The following FBLN5 variants were observed in gnomAD, a reference collection of about 807,000 sequenced individuals.
FBLN5 encodes fibulin 5, also known as fibulin-5.
Under a neutral mutation model 61.6 loss-of-function variants are expected in FBLN5, and 24 were observed. The ratio of observed to expected loss-of-function variants is 0.39; its 90% CI spans 0.28 to 0.55. The LOEUF (loss-of-function observed/expected upper bound fraction) is 0.55, where lower values mean the gene tolerates loss of function less well. FBLN5 is among the 20% of genes least tolerant of loss of function. The pLI is 0.65. For missense variants in FBLN5, 470 were observed against 594.1 expected (o/e 0.79, Z 2.17); for synonymous variants, 213 against 219.8 (o/e 0.97, Z 0.27).
intron 4 of FBLN5, among the ~76,000 whole-genome samples, chr14:91,935,273 G>A (rs535362746): frequency 1.1e-4 from 17 of 152,330 alleles, no homozygotes; most frequent in South Asian, 8.3e-4. Flanking sequence ...GGGGAAGGAG[G>A]GAGACACTTT....
intron 4 of FBLN5, among the ~76,000 whole-genome samples, chr14:91,923,619 AT>A (rs1455835239): frequency 6.6e-6 from 1 of 152,194 alleles, no homozygotes; most frequent in Non-Finnish European, 1.5e-5. Context: ...CACCATATGC[AT>A]TCACATTCCT....
intron 2 of FBLN5, among the ~76,000 whole-genome samples, chr14:91,942,414 G>A (rs1417948924): frequency 6.6e-6 from 1 of 152,216 alleles, no homozygotes; most frequent in Non-Finnish European, 1.5e-5. Flanking sequence ...AGACCCGTGG[G>A]GGTCCTCAGG....
At chr14:91,910,077 G>A (rs1379629160) in intron 4 of FBLN5, among the ~76,000 whole-genome samples, 1 of 152,174 alleles carries the variant, frequency 6.6e-6, no homozygotes, top group Non-Finnish European at 1.5e-5. Flanking sequence ...ATACACCTAT[G>A]TTCATAGCAG....
chr14:91,901,932 T>C (rs1483275798), intron 4 of FBLN5, among the ~76,000 whole-genome samples: 1 of 152,254 alleles, frequency 6.6e-6, no homozygotes, highest in East Asian at 1.9e-4. Flanking sequence ...CCATGGATTC[T>C]CTTTCTCTAT....
chr14:91,887,112 C>T (rs1889759544), intron 7 of FBLN5, 81 bp downstream of exon 7: 3 of 1,473,598 alleles, frequency 2.0e-6, no homozygotes, highest in Non-Finnish European at 1.9e-6. Flanking sequence ...AGAGGAAACA[C>T]CTATGAAGGA....
intron 6 of FBLN5, among the ~76,000 whole-genome samples, chr14:91,890,987 G>T (rs1031254066): frequency 1.3e-5 from 2 of 152,210 alleles, no homozygotes; most frequent in African/African-American, 4.8e-5. Context: ...TACACTCCCA[G>T]CCAGTGGAGG....
At chr14:91,932,980 G>A (rs751681097) in intron 4 of FBLN5, among the ~76,000 whole-genome samples, 42 of 152,334 alleles carry the variant, frequency 2.8e-4, no homozygotes, top group South Asian at 8.3e-4. Flanking sequence ...CATCCCTCTG[G>A]GTGGATATTC....
chr14:91,922,839 G>C lies in FBLN5; in HGVS notation c.379+14108C>G, dbSNP rs1443000180. On this transcript the variant is annotated intron_variant, in intron 4 of 10. Coordinates refer to ENST00000342058, the MANE Select transcript of FBLN5 (RefSeq NM_006329.4). ...GACCAGGCCAGGCCCTATCATCACA[G>C]TGAGAGCCAATTTCATCCATCCACT... is the stretch of plus-strand genomic sequence containing the variant. 2.0e-5 allele frequency among the ~76,000 whole-genome samples: 3 copies of C among 152,168 alleles called. No individual in the cohort carries two copies. In the East Asian group the frequency reaches 5.8e-4, roughly 29 times the overall value.
At chr14:91,942,546 T>A (rs992046521) in intron 2 of FBLN5, among the ~76,000 whole-genome samples, 1 of 152,386 alleles carries the variant, frequency 6.6e-6, no homozygotes, top group African/African-American at 2.4e-5. Context: ...CTGGGCTTAA[T>A]ACCTAGTGAT....
chr14:91,927,611 T>A (rs1769487992), intron 4 of FBLN5, among the ~76,000 whole-genome samples: 1 of 152,260 alleles, frequency 6.6e-6, no homozygotes, highest in African/African-American at 2.4e-5. Context: ...TATCATAGCA[T>A]GCACCTCCTA....
At chr14:91,924,952 G>GT (rs927188939) in intron 4 of FBLN5, among the ~76,000 whole-genome samples, 3 of 152,110 alleles carry the variant, frequency 2.0e-5, no homozygotes, top group Admixed American at 6.5e-5. Flanking sequence ...CAGAGTCAGG[G>GT]TTTTTTGTGT....
chr14:91,929,839 T>G (rs1434564805), intron 4 of FBLN5, among the ~76,000 whole-genome samples: 16 of 152,230 alleles, frequency 1.1e-4, no homozygotes, highest in Non-Finnish European at 1.9e-4. Flanking sequence ...ATGCAGACCC[T>G]TGGGGCCCAC....
intron 6 of FBLN5, among the ~76,000 whole-genome samples, chr14:91,889,004 G>A (rs1942315842): frequency 6.6e-6 from 1 of 152,196 alleles, no homozygotes; most frequent in African/African-American, 2.4e-5. Flanking sequence ...TGAGCAGACT[G>A]AGAGGCTTTT....
intron 4 of FBLN5, among the ~76,000 whole-genome samples, chr14:91,895,426 T>C (rs1312906444): frequency 6.6e-6 from 1 of 152,230 alleles, no homozygotes; most frequent in Non-Finnish European, 1.5e-5. Flanking sequence ...TTCATTCATA[T>C]GTTAAACAGG....
chr14:91,891,796 T>G (rs182220604), intron 5 of FBLN5, among the ~76,000 whole-genome samples: 2 of 152,148 alleles, frequency 1.3e-5, no homozygotes, highest in Non-Finnish European at 2.9e-5. Flanking sequence ...CTGCCCAGGA[T>G]TCTTCTTAAC....
At chr14:91,940,712 A>G in intron 2 of FBLN5, 96 bp from the exon 3 acceptor site, 1 of 1,005,020 alleles carries the variant, frequency 1.0e-6, no homozygotes, top group Non-Finnish European at 1.6e-6. Context: ...GGAGCAAAAA[A>G]GAAAGGCCTC....
intron 5 of FBLN5, among the ~76,000 whole-genome samples, chr14:91,894,638 C>A (rs1166206616): frequency 6.6e-6 from 1 of 152,096 alleles, no homozygotes; most frequent in African/African-American, 2.4e-5. Context: ...AGGAGAATCA[C>A]TCAAACCCAG....
chr14:91,914,802 A>T (rs1433772331), intron 4 of FBLN5, among the ~76,000 whole-genome samples: 2 of 151,992 alleles, frequency 1.3e-5, no homozygotes, highest in African/African-American at 4.8e-5. Flanking sequence ...GACTCTGGCA[A>T]TATCTGTGTG....
chr14:91,892,928 T>A (rs561149625), intron 5 of FBLN5, among the ~76,000 whole-genome samples: 7 of 152,300 alleles, frequency 4.6e-5, no homozygotes, highest in African/African-American at 1.7e-4. Context: ...CTGGGCCACA[T>A]GGTACCATGC....
Sources: gnomAD v4.1 joint callset for allele counts (sites outside exome capture counted in the v4.1 genomes callset) on GRCh38, gnomAD v4.1.1 for gene constraint, MANE v1.5 for transcripts, NCBI Gene and HGNC (gene_info 2026-07-23, HGNC 2026-07-21) for gene names.